GLIS3: variants seen among roughly 807,000 people sequenced by gnomAD.
The protein encoded by GLIS3 is zinc finger protein GLIS3.
GLIS3 carries 53 observed loss-of-function variants against 78.6 expected under a neutral mutation model. The observed-to-expected ratio is 0.67, with a 90% CI of 0.54 to 0.85. The LOEUF (loss-of-function observed/expected upper bound fraction) is 0.85, where lower values mean the gene tolerates loss of function less well. GLIS3 is among the 40% of genes least tolerant of loss of function. The pLI is 0.00. For synonymous variants in GLIS3, 684 were observed against 509.9 expected, an observed-to-expected ratio of 1.34 and a Z score of -4.60; for missense variants, 1,703 against 1,231.1, an observed-to-expected ratio of 1.38 and a Z score of -5.74.
At chr9:3,860,746 T>G (rs1297790732) in intron 8 of GLIS3, among the ~76,000 whole-genome samples, 1 of 152,154 alleles carries the variant, frequency 6.6e-6, no homozygotes, top group African/African-American at 2.4e-5. Flanking sequence ...AAGCATAAAA[T>G]AAAGGTTATC....
chr9:4,191,777 G>T (rs187067682), intron 2 of GLIS3, among the ~76,000 whole-genome samples: 145 of 152,030 alleles, frequency 9.5e-4, no homozygotes, highest in Non-Finnish European at 1.3e-3. Flanking sequence ...TGGCTCTACT[G>T]GTACCTACCT....
the GLIS3 span, among the ~76,000 whole-genome samples, chr9:4,458,436 A>C: frequency 6.6e-6 from 1 of 152,158 alleles, no homozygotes; most frequent in Non-Finnish European, 1.5e-5. Context: ...GCATAAAGTT[A>C]GGGAGTTCCA....
At chr9:4,311,388 G>C (rs1817353787) in intron 2 of GLIS3, among the ~76,000 whole-genome samples, 1 of 152,200 alleles carries the variant, frequency 6.6e-6, no homozygotes, top group Non-Finnish European at 1.5e-5. Context: ...CAGCCTAGGT[G>C]ACAGAGCAAG....
chr9:4,292,615 T>C (rs1816105211), intron 1 of GLIS3, among the ~76,000 whole-genome samples: 1 of 152,224 alleles, frequency 6.6e-6, no homozygotes, highest in Non-Finnish European at 1.5e-5. Flanking sequence ...CAAAGCTTCA[T>C]TCCTACCACT....
At chr9:4,438,137 T>G in the GLIS3 span, among the ~76,000 whole-genome samples, 2 of 152,184 alleles carry the variant, frequency 1.3e-5, no homozygotes, top group Non-Finnish European at 2.9e-5. Flanking sequence ...CTCTGAACAC[T>G]TATGCTAAAT....
chr9:4,132,201 T>C (rs1833030781), intron 2 of GLIS3, among the ~76,000 whole-genome samples: 2 of 152,192 alleles, frequency 1.3e-5, no homozygotes, highest in Admixed American at 6.5e-5. Context: ...GACTACATGA[T>C]GTATTTGAAA....
intron 4 of GLIS3, among the ~76,000 whole-genome samples, chr9:4,012,758 T>C (rs1042717571): frequency 1.4e-5 from 2 of 141,068 alleles, no homozygotes; most frequent in Non-Finnish European, 3.0e-5. Context: ...TTCTTTTTTT[T>C]CTTTTTCTTT....
the GLIS3 span, among the ~76,000 whole-genome samples, chr9:4,417,528 GATAT>G: frequency 2.6e-5 from 4 of 152,248 alleles, no homozygotes; most frequent in African/African-American, 9.6e-5. Flanking sequence ...CTTTTTGGTA[GATAT>G]ATAGTTTGTT....
intron 6 of GLIS3, among the ~76,000 whole-genome samples, chr9:3,926,270 A>G (rs1275426263): frequency 3.0e-5 from 4 of 133,134 alleles, no homozygotes; most frequent in African/African-American, 1.1e-4. Flanking sequence ...TTGCTCTGTC[A>G]CCCACACTAG....
intron 2 of GLIS3, among the ~76,000 whole-genome samples, chr9:4,335,199 T>C (rs565508358): frequency 6.6e-6 from 1 of 152,222 alleles, no homozygotes; most frequent in South Asian, 2.1e-4. Context: ...TGAGCCACCG[T>C]ACCTGGCCCC....
chr9:4,459,899 G>T, the GLIS3 span, among the ~76,000 whole-genome samples: 1 of 152,248 alleles, frequency 6.6e-6, no homozygotes, highest in East Asian at 1.9e-4. Context: ...GGAGAAAAAT[G>T]AAGCCTGGGA....
chr9:3,987,127 A>G (rs892649182), intron 4 of GLIS3, among the ~76,000 whole-genome samples: 1 of 152,208 alleles, frequency 6.6e-6, no homozygotes, highest in African/African-American at 2.4e-5. Flanking sequence ...AAGAAATGGA[A>G]GCTACAAAAA....
At chr9:4,169,208 A>G (rs1049388144) in intron 2 of GLIS3, among the ~76,000 whole-genome samples, 3 of 152,182 alleles carry the variant, frequency 2.0e-5, no homozygotes, top group African/African-American at 7.2e-5. Context: ...ACTGATTGGC[A>G]GACACAAGGA....
At chr9:4,242,164 T>C (rs1384825477) in intron 2 of GLIS3, among the ~76,000 whole-genome samples, 1 of 152,200 alleles carries the variant, frequency 6.6e-6, no homozygotes, top group Admixed American at 6.5e-5. Context: ...GTATACTTCC[T>C]GATCCAACCT....
At chr9:4,314,618 A>T (rs1010275525) in intron 2 of GLIS3, among the ~76,000 whole-genome samples, 1 of 152,244 alleles carries the variant, frequency 6.6e-6, no homozygotes, top group African/African-American at 2.4e-5. Flanking sequence ...GGAATCTTTC[A>T]TATCTTCTCT....
chr9:4,213,566 T>C (rs1468819700), intron 2 of GLIS3, among the ~76,000 whole-genome samples: 1 of 152,224 alleles, frequency 6.6e-6, no homozygotes, highest in African/African-American at 2.4e-5. Context: ...GAATTTTTAA[T>C]TTTATTTAAT....
intron 2 of GLIS3, among the ~76,000 whole-genome samples, chr9:4,147,815 CA>C (rs34155642): frequency 0.92 from 129,092 of 140,502 alleles, 59,788 homozygotes; most frequent in Non-Finnish European, 0.99. Flanking sequence ...GAGTTCATAC[CA>C]AAAAAAAAAA....
chr9:3,893,432 C>T (rs1199425153), intron 7 of GLIS3, among the ~76,000 whole-genome samples: 2 of 152,172 alleles, frequency 1.3e-5, no homozygotes, highest in African/African-American at 4.8e-5. Flanking sequence ...GGCTGGGAAT[C>T]AGAGTCTTCA....
intron 8 of GLIS3, chr9:3,875,708 C>G (rs566395403): frequency 1.3e-5 from 2 of 152,236 alleles, no homozygotes; most frequent in Non-Finnish European, 2.9e-5. Context: ...TCTTCCTTTC[C>G]AAACCTGATT....
Sources: allele counts gnomAD v4.1 joint callset (sites outside exome capture counted in the v4.1 genomes callset), GRCh38; gene constraint gnomAD v4.1.1; transcripts MANE v1.5; gene names NCBI Gene and HGNC (gene_info 2026-07-23, HGNC 2026-07-21).